The following WDR87 variants were observed in gnomAD, a reference collection of about 807,000 sequenced individuals.
WDR87 encodes the protein WD repeat domain 87.
WDR87 carries 56 observed loss-of-function variants against 83.3 expected under a neutral mutation model. The observed-to-expected ratio is 0.67, with a 90% CI of 0.54 to 0.84. The LOEUF (loss-of-function observed/expected upper bound fraction) is 0.84. Ranked by LOEUF, WDR87 falls within the 40% of genes least tolerant of loss-of-function variation. The probability of loss-of-function intolerance (pLI) is 0.00; values close to 1 mark genes in which losing one functional copy is unlikely to be tolerated. For synonymous variants in WDR87, 1,173 were observed against 1,250.6 expected (o/e 0.94, Z 1.31); for missense variants, 2,939 against 3,431.9 (o/e 0.86, Z 3.59).
Position 37,890,189 on chromosome 19 carries a change from C to G in WDR87, c.3482G>C (p.Ser1161Thr). The stretch of plus-strand genomic sequence containing the variant: ...CTCAATTGGTGCGGCCTCAGTCCCA[C>G]TTTCATCCTCTAAGAGGCCTGGCTC... ...STEPGLLEDESGTEAAPIEME... is the reference protein window; with the variant it reads ...STEPGLLEDETGTEAAPIEME... Residue 1161 changes from serine (S) to threonine (T), a missense_variant, in exon 6 of 6, where the codon AGT becomes ACT. Transcript: ENST00000447313. The G allele has an allele frequency of 6.4e-7, 1 of 1,551,810 alleles. No homozygotes were observed. The highest frequency in any genetic ancestry group is 2.0e-5 in the Admixed American group (1 of 50,994).
chr19:37,892,737 A>G lies in WDR87; in HGVS notation c.2966T>C (p.Met989Thr). 2 of 1,551,802 alleles carry G rather than the reference A, an allele frequency of 1.3e-6. No individual in the cohort carries two copies. Among genetic ancestry groups the G allele is most frequent in the Non-Finnish European group, 1.7e-6 (2 of 1,147,012 alleles). The change falls in exon 4 of 6, where the codon ATG becomes ACG. Residue 989 changes from methionine to threonine, a missense_variant. By Grantham distance (81) the Met-to-Thr change is moderately conservative. Coordinates refer to ENST00000447313, the MANE Select transcript of WDR87 (RefSeq NM_001291088.2). ...LAWEGLKRLG[M>T]ITHLFAMPLA... Reference sequence around the variant, plus strand: ...AGGCATGGCAAAAAGATGAGTAATCATTCCTAGACGCTTCAGCCCTTCCCA... The same window carrying G: ...AGGCATGGCAAAAAGATGAGTAATCGTTCCTAGACGCTTCAGCCCTTCCCA...
rs1157692276 is a variant in WDR87 at position 37,894,322 on chromosome 19, A to T, written c.1381T>A (p.Cys461Ser). 1.3e-6 allele frequency: 2 copies of T among 1,551,678 alleles called. No individual in the cohort carries two copies. Among genetic ancestry groups the T allele is most frequent in the Admixed American group, 3.9e-5 (2 of 50,990 alleles). ...TSPNSQDFVQ[C>S]LAYGHFNLGR... The stretch of plus-strand genomic sequence containing the variant: ...AAGTTGAAATGCCCATAAGCCAGGC[A>T]TTGTACAAAGTCCTGAGAATTTGGT... Residue 461 changes from cysteine to serine, a missense_variant, in exon 4 of 6, where the codon TGC becomes AGC. Cys to Ser is a moderately radical substitution (Grantham distance 112). Coordinates refer to ENST00000447313, the MANE Select transcript of WDR87 (RefSeq NM_001291088.2).
rs1469628345 is a variant in WDR87, at chr19:37,886,722, TCTC to T, written c.6946_6948del (p.Glu2316del). 6.9e-7 allele frequency: 1 copy of T among 1,448,812 alleles called. No homozygotes were observed. Among genetic ancestry groups the T allele is most frequent in the Non-Finnish European group, 9.3e-7 (1 of 1,069,962 alleles). The allele number at this position is 1,448,812 out of a possible 1,614,324, so 89.7% of individuals were successfully genotyped here. On this transcript the variant is annotated inframe_deletion, in exon 6 of 6. Coordinates refer to ENST00000447313, the MANE Select transcript of WDR87 (RefSeq NM_001291088.2). ...TCCTCCTCTTCTTTCTCCACTTGCT[TCTC>T]CTCCCCTTCCTCCTCCTCCTTCCTT...
chr19:37,899,189 A>C (rs1038423341), intron 1 of WDR87, among the ~76,000 whole-genome samples: 3 of 151,916 alleles, frequency 2.0e-5, no homozygotes, highest in Non-Finnish European at 4.4e-5. Flanking sequence ...GAGGCGGAGG[A>C]GGATAGATCA....
rs2046206006 is a variant in WDR87 at position 37,891,630 on chromosome 19, T to C, written c.3316A>G (p.Thr1106Ala). Reference sequence around the variant, plus strand: ...GCCACTTCAGATTCTTCAGAAACTGTAGGAGGTTTCAGGGAGGATTTAAGT... The same window carrying C: ...GCCACTTCAGATTCTTCAGAAACTGCAGGAGGTTTCAGGGAGGATTTAAGT... ...SELKSSLKPP[T>A]VSEESEVAIK... Residue 1106 changes from threonine to alanine, a missense_variant, in exon 5 of 6, where the codon ACA becomes GCA. This residue lies in a region of WDR87 where 2,160 missense variants were observed against 2,533.1 expected (regional missense o/e 0.85). Coordinates refer to ENST00000447313, the MANE Select transcript of WDR87 (RefSeq NM_001291088.2). 6.4e-7 allele frequency: 1 copy of C among 1,551,908 alleles called. No homozygotes were observed. Among genetic ancestry groups the C allele is most frequent in the Non-Finnish European group, 8.7e-7 (1 of 1,147,032 alleles).
chr19:37,886,035 G>GT lies in WDR87; in HGVS notation c.7635dup (p.Pro2546ThrfsTer8). The GT allele has an allele frequency of 6.4e-7, 1 of 1,551,760 alleles. No homozygotes were observed. Among genetic ancestry groups the GT allele is most frequent in the South Asian group, 1.2e-5 (1 of 84,056 alleles). ...TCCTTAGCTGGGATTTGGGAGAGAGGTAACTGTACCTCAGTCTGTCCCATC... is the reference window on the plus strand; with the variant it reads ...TCCTTAGCTGGGATTTGGGAGAGAGGTTAACTGTACCTCAGTCTGTCCCATC... On this transcript the variant is annotated frameshift_variant, in exon 6 of 6. Coordinates refer to ENST00000447313, the MANE Select transcript of WDR87 (RefSeq NM_001291088.2). LOFTEE classifies it low-confidence loss of function (END_TRUNC).
chr19:37,886,744 C>T lies in WDR87; in HGVS notation c.6927G>A (p.Lys2309=), dbSNP rs1568448376. ...EEEREEEEER[K]EEEEGEEKQV... ...GCTTCTCCTCCCCTTCCTCCTCCTCCTTCCTTTCCTCCTCCTCCTCCCTTT... is the reference window on the plus strand; with the variant it reads ...GCTTCTCCTCCCCTTCCTCCTCCTCTTTCCTTTCCTCCTCCTCCTCCCTTT... The change falls in exon 6 of 6, where the codon AAG becomes AAA. Residue 2309 remains lysine, a synonymous_variant. Transcript: ENST00000447313. 19 of 1,461,466 alleles carry T rather than the reference C, an allele frequency of 1.3e-5. No individual in the cohort carries two copies. Among genetic ancestry groups the T allele is most frequent in the Non-Finnish European group, 1.7e-5 (18 of 1,081,774 alleles). 90.5% of individuals were successfully genotyped at this position (1,461,466 alleles called of 1,614,324 possible).
chr19:37,896,264 G>T lies in WDR87; in HGVS notation c.120C>A (p.Asp40Glu). 2 of 1,552,002 alleles carry T rather than the reference G, an allele frequency of 1.3e-6. No individual in the cohort carries two copies. The highest frequency in any genetic ancestry group is 1.7e-6 in the Non-Finnish European group (2 of 1,147,050). The stretch of plus-strand genomic sequence containing the variant: ...ACTCTTTGAACAGTACCTGGGACCG[G>T]TCACTCAGCACAATCAGGCAGTTCT... ...DPKNCLIVLS[D>E]RSQVLFKESR... The change falls in exon 3 of 6, where the codon GAC becomes GAA. Residue 40 changes from aspartate (D) to glutamate (E), a missense_variant. Asp to Glu is a conservative substitution (Grantham distance 45). Coordinates refer to ENST00000447313, the MANE Select transcript of WDR87 (RefSeq NM_001291088.2).
rs2046255496 is a variant in WDR87, at chr19:37,896,298, T to C, written c.86A>G (p.Glu29Gly). 2 of 1,551,540 alleles carry C rather than the reference T, an allele frequency of 1.3e-6. No homozygotes were observed. Among genetic ancestry groups the C allele is most frequent in the Admixed American group, 3.9e-5 (2 of 50,980 alleles). The part of the protein sequence containing the change: ...DTINKSKQPS[E>G]DPKNCLIVLS... The stretch of plus-strand genomic sequence containing the variant: ...CACAATCAGGCAGTTCTTTGGGTCT[T>C]CCGAAGGTTGCTGGAGAGAGGCGTG... The change falls in exon 3 of 6, where the codon GAA becomes GGA. Residue 29 changes from glutamate (E) to glycine (G), a missense_variant. By Grantham distance (98) the Glu-to-Gly change is moderately conservative. Coordinates refer to ENST00000447313, the MANE Select transcript of WDR87 (RefSeq NM_001291088.2).
chr19:37,894,473 G>A lies in WDR87; in HGVS notation c.1230C>T (p.Asp410=), dbSNP rs2046236116. ...GGTCGTAGGCCCAATCCACAGCCTGGTCCAGGATTGAGAAGGGCCAGGTGA... is the reference window on the plus strand; with the variant it reads ...GGTCGTAGGCCCAATCCACAGCCTGATCCAGGATTGAGAAGGGCCAGGTGA... ...LVITWPFSIL[D]QAVDWAYDPG... Residue 410 remains aspartate (D), a synonymous_variant, in exon 4 of 6, where the codon GAC becomes GAT. Coordinates refer to ENST00000447313, the MANE Select transcript of WDR87 (RefSeq NM_001291088.2). The A allele has an allele frequency of 6.4e-7, 1 of 1,551,590 alleles. No homozygotes were observed. Among genetic ancestry groups the A allele is most frequent in the Non-Finnish European group, 8.7e-7 (1 of 1,147,012 alleles).
At position 37,886,913 on chromosome 19, in the gene WDR87, G is replaced by C; in HGVS notation, c.6758C>G (p.Ser2253Cys). Residue 2253 changes from serine (S) to cysteine (C), a missense_variant, in exon 6 of 6, where the codon TCC becomes TGC. Ser to Cys is a moderately radical substitution (Grantham distance 112). Around this residue, in one of 3 missense-constraint regions of WDR87, gnomAD observed 2,160 missense variants for 2,533.1 expected, o/e 0.85. Coordinates refer to ENST00000447313, the MANE Select transcript of WDR87 (RefSeq NM_001291088.2). ...KRGDKPKEKF[S>C]SQVDEVESEE... ...ACTTTCCACTTCATCCACTTGACTG[G>C]AAAACTTTTCTTTTGGTTTGTCACC... 1 of 1,551,354 alleles carries C rather than the reference G, an allele frequency of 6.4e-7. No homozygotes were observed. Among genetic ancestry groups the C allele is most frequent in the Non-Finnish European group, 8.7e-7 (1 of 1,146,928 alleles).
At chr19:37,903,790 A>C (rs181228504) in intron 1 of WDR87, among the ~76,000 whole-genome samples, 133 of 152,190 alleles carry the variant, frequency 8.7e-4, no homozygotes, top group African/African-American at 3.0e-3. Context: ...TCAGCCTCCC[A>C]AAGTGTTGGG....
rs1025560366 is a variant in WDR87, at chr19:37,893,970, C to T, written c.1733G>A (p.Cys578Tyr). ...ATCATGGAACTTCCAGAGACGCAGG[C>T]AGTTTGTCTCTGTGATGGCACCCAC... ...KSVGAITETNCLRLWKFHDFL... is the reference protein window; with the variant it reads ...KSVGAITETNYLRLWKFHDFL... Residue 578 changes from cysteine (C) to tyrosine (Y), a missense_variant, in exon 4 of 6, where the codon TGC becomes TAC. By Grantham distance (194) the Cys-to-Tyr change is radical. Transcript: ENST00000447313. The T allele has an allele frequency of 2.6e-6, 4 of 1,551,782 alleles. No homozygotes were observed. The highest frequency in any genetic ancestry group is 3.5e-6 in the Non-Finnish European group (4 of 1,147,022).
At chr19:37,898,519 C>T (rs545788515) in intron 1 of WDR87, among the ~76,000 whole-genome samples, 5 of 152,226 alleles carry the variant, frequency 3.3e-5, no homozygotes, top group African/African-American at 7.2e-5. Flanking sequence ...TGAATCTTAG[C>T]GTGTTCCTGT....
At position 37,887,632 on chromosome 19, in the gene WDR87, C is replaced by T; in HGVS notation, c.6039G>A (p.Lys2013=). 1 of 1,552,128 alleles carries T rather than the reference C, an allele frequency of 6.4e-7. No homozygotes were observed. Among genetic ancestry groups the T allele is most frequent in the Admixed American group, 2.0e-5 (1 of 51,004 alleles). The change falls in exon 6 of 6, where the codon AAG becomes AAA. Residue 2013 remains lysine (K), a synonymous_variant. Transcript: ENST00000447313. ...TTTCTTTTCCCTCAACCAGTCTCAT[C>T]TTCTCCTCAGCCAGTCTTTTCATTT... ...NLEMKRLAEE[K]MRLVEGKETL...
chr19:37,899,978 A>T (rs1016816976), intron 1 of WDR87, among the ~76,000 whole-genome samples: 1 of 152,180 alleles, frequency 6.6e-6, no homozygotes, highest in Non-Finnish European at 1.5e-5. Flanking sequence ...TGGAGTCCCA[A>T]TTCATTTGGC....
intron 1 of WDR87, among the ~76,000 whole-genome samples, chr19:37,899,222 T>C (rs368594285): frequency 9.2e-5 from 14 of 151,884 alleles, no homozygotes; most frequent in African/African-American, 3.1e-4. Flanking sequence ...AGTTCGAGAC[T>C]AGCCTGGCTA....
Position 37,889,373 on chromosome 19 carries a change from TTCTTC to T in WDR87, c.4293_4297del (p.Lys1432AsnfsTer7). ...TTGCTTAGGTGACTTCTGAAAGGTT[TTCTTC>T]TCTTCTTTCTTTGATATTTCTTTTC... On this transcript the variant is annotated frameshift_variant, in exon 6 of 6. Coordinates refer to ENST00000447313, the MANE Select transcript of WDR87 (RefSeq NM_001291088.2). LOFTEE classifies it low-confidence loss of function (END_TRUNC). 1 of 1,551,616 alleles carries T rather than the reference TTCTTC, an allele frequency of 6.4e-7. No individual in the cohort carries two copies. Among genetic ancestry groups the T allele is most frequent in the East Asian group, 2.4e-5 (1 of 40,916 alleles).
rs2046238999 is a variant in WDR87 at position 37,894,724 on chromosome 19, G to A, written c.979C>T (p.Leu327=). Residue 327 remains leucine, a synonymous_variant, in exon 4 of 6, where the codon CTA becomes TTA. Coordinates refer to ENST00000447313, the MANE Select transcript of WDR87 (RefSeq NM_001291088.2). ...LLRRLELGEE[L]YRLQFIDSIT... is the part of the protein sequence containing the mutation. ...CTGTCAATAAACTGGAGCCGGTATA[G>A]CTCCTCACCAAGCTCTAGCCGCCGA... The A allele has an allele frequency of 3.2e-6, 5 of 1,551,608 alleles. No homozygotes were observed. The South Asian group carries it at 3.6e-5, about 11-fold the overall frequency.
Sources: allele counts gnomAD v4.1 joint callset (sites outside exome capture counted in the v4.1 genomes callset), GRCh38; gene constraint gnomAD v4.1.1; regional missense constraint gnomAD v4.1.1; transcripts MANE v1.5; gene names NCBI Gene and HGNC (gene_info 2026-07-23, HGNC 2026-07-21).